Variants in RHOXF1 observed in about 807,000 individuals in gnomAD.
The protein encoded by RHOXF1 is PEPP subfamily gene 1.
In RHOXF1, 1 loss-of-function variant was observed where a neutral mutation model predicts 9.7. The observed-to-expected ratio is 0.10, with a 90% CI of 0.04 to 0.49. The LOEUF is 0.49. RHOXF1 is among the 20% of genes least tolerant of loss of function. The probability of loss-of-function intolerance (pLI) is 0.95; values close to 1 mark genes in which losing one functional copy is unlikely to be tolerated. For synonymous variants in RHOXF1, 72 were observed against 70.2 expected, an observed-to-expected ratio of 1.03 and a Z score of -0.13; for missense variants, 179 against 168.0, an observed-to-expected ratio of 1.07 and a Z score of -0.36.
intron 1 of RHOXF1, among the ~76,000 whole-genome samples, chrX:120,114,726 C>T (rs1556000302): frequency 8.9e-6 from 1 of 112,006 alleles, no homozygotes; most frequent in East Asian, 2.8e-4. Context: ...TAGGGAAAAG[C>T]AAATCGAAAC....
In RHOXF1 at chrX:120,109,221, C is replaced by G; in HGVS notation, c.526G>C (p.Asp176His). The change falls in exon 3 of 3, where the codon GAC (aspartate) becomes CAC (histidine). Residue 176 changes from aspartate (D) to histidine (H), a missense_variant. By Grantham distance (81) the Asp-to-His change is moderately conservative. Coordinates refer to ENST00000217999, the MANE Select transcript of RHOXF1 (RefSeq NM_139282.3). ...TCCACGACGATGTAGACACAGTCGT[C>G]TGGGTCAGCACGTAGTTCATTGGCG... is the stretch of plus-strand genomic sequence containing the variant. ...MLANELRADP[D>H]DCVYIVVD is the part of the protein sequence containing the mutation. The G allele has an allele frequency of 8.4e-7, 1 of 1,194,787 alleles. No homozygotes were observed. Among genetic ancestry groups the G allele is most frequent in the Non-Finnish European group, 1.1e-6 (1 of 882,307 alleles).
intron 1 of RHOXF1, among the ~76,000 whole-genome samples, chrX:120,114,647 A>G (rs2057285543): frequency 8.9e-6 from 1 of 112,179 alleles, no homozygotes; most frequent in Non-Finnish European, 1.9e-5. Context: ...ACTTAAAGAG[A>G]TATTTCTCCA....
rs782356480 is a variant in RHOXF1 at position 120,115,772 on chromosome X, A to C, written c.91T>G (p.Ser31Ala). ...ISPTPQLGAA[S>A]SAEGHVGQGA... ...TGGCCAACATGGCCTTCTGCGCTTG[A>C]TGCTGCCCCCAGCTGAGGTGTGGGG... Residue 31 changes from serine to alanine, a missense_variant, in exon 1 of 3, where the codon TCA (serine) becomes GCA (alanine). By Grantham distance (99) the Ser-to-Ala change is moderately conservative (BLOSUM62 1). Transcript: ENST00000217999. 2.5e-6 allele frequency: 3 copies of C among 1,205,316 alleles called. No individual in the cohort carries two copies. In the African/African-American group the frequency reaches 5.3e-5, roughly 21 times the overall value.
At chrX:120,109,570 T>A (rs782766007) in intron 2 of RHOXF1, among the ~76,000 whole-genome samples, 30 of 105,885 alleles carry the variant, frequency 2.8e-4, no homozygotes, top group African/African-American at 8.4e-4. Flanking sequence ...TTTATTTATT[T>A]ATTATTTATT....
chrX:120,117,593 A>G, upstream of RHOXF1: 1 of 111,298 alleles, frequency 9.0e-6, no homozygotes, highest in Non-Finnish European at 1.9e-5. Flanking sequence ...TCTCGTCTTC[A>G]TGGTGATTCT....
At chrX:120,112,445 T>C (rs2057270625) in intron 2 of RHOXF1, among the ~76,000 whole-genome samples, 1 of 71,537 alleles carries the variant, frequency 1.4e-5, no homozygotes, top group African/African-American at 5.4e-5. Context: ...ATATTATATA[T>C]AATACACATA....
intron 2 of RHOXF1, among the ~76,000 whole-genome samples, chrX:120,109,884 C>T (rs2057257985): frequency 9.0e-6 from 1 of 111,714 alleles, no homozygotes; most frequent in Admixed American, 9.5e-5. Flanking sequence ...TGTGCCCAGC[C>T]CCAATTTTAA....
At chrX:120,112,318 G>T (rs1377220405) in intron 2 of RHOXF1, among the ~76,000 whole-genome samples, 1 of 107,489 alleles carries the variant, frequency 9.3e-6, no homozygotes, top group African/African-American at 3.4e-5. Flanking sequence ...ACTCTACACA[G>T]AAATTGTTCC....
upstream of RHOXF1, chrX:120,115,948 T>G: frequency 1.1e-6 from 1 of 886,141 alleles, no homozygotes; most frequent in Non-Finnish European, 1.5e-6. Flanking sequence ...CCTGTTCTCA[T>G]GCTTGGTATT....
At chrX:120,120,162 TTTTA>T (rs1359440819), upstream of RHOXF1, among the ~76,000 whole-genome samples, 1 of 112,073 alleles carries the variant, frequency 8.9e-6, no homozygotes, top group Non-Finnish European at 1.9e-5. Context: ...GGCCTGCCTC[TTTTA>T]TTTGACAATA....
At chrX:120,113,875 T>G (rs184675347) in intron 1 of RHOXF1, among the ~76,000 whole-genome samples, 1,209 of 109,017 alleles carry the variant, frequency 0.011, 21 homozygotes, top group African/African-American at 0.035. Flanking sequence ...GCAAATTGCT[T>G]GAGCCCAGGA....
At chrX:120,119,193 CAATT>C (rs1556001004), upstream of RHOXF1, among the ~76,000 whole-genome samples, 1 of 112,138 alleles carries the variant, frequency 8.9e-6, no homozygotes, top group African/African-American at 3.2e-5. Flanking sequence ...TTAAGCACCT[CAATT>C]AATCCTCAAA....
Position 120,115,801 on chromosome X carries a change from A to G in RHOXF1, c.62T>C (p.Ile21Thr), listed in dbSNP as rs782043508. The change falls in exon 1 of 3, where the codon ATA (isoleucine) becomes ACA (threonine). Residue 21 changes from isoleucine (I) to threonine (T), a missense_variant. Ile to Thr is a moderately conservative substitution (Grantham distance 89). Coordinates refer to ENST00000217999, the MANE Select transcript of RHOXF1 (RefSeq NM_139282.3). ...FYCLSVYQVK[I>T]SPTPQLGAAS... Reference sequence around the variant, plus strand: ...TGCCCCCAGCTGAGGTGTGGGGCTTATTTTTACCTGGTATACACTCAGGCA... The same window carrying G: ...TGCCCCCAGCTGAGGTGTGGGGCTTGTTTTTACCTGGTATACACTCAGGCA... 3 of 1,202,917 alleles carry G rather than the reference A, an allele frequency of 2.5e-6. No homozygotes were observed. Among genetic ancestry groups the G allele is most frequent in the Non-Finnish European group, 3.4e-6 (3 of 893,825 alleles).
chrX:120,118,290 T>A (rs782385912), upstream of RHOXF1, among the ~76,000 whole-genome samples: 4 of 111,569 alleles, frequency 3.6e-5, no homozygotes, highest in East Asian at 1.1e-3. Flanking sequence ...GTTGAGGCAA[T>A]CTCAATTTGC....
intron 2 of RHOXF1, among the ~76,000 whole-genome samples, chrX:120,109,683 C>A (rs1555999535): frequency 1.8e-5 from 2 of 109,398 alleles, no homozygotes; most frequent in African/African-American, 6.7e-5. Flanking sequence ...AACTTCTGGG[C>A]TCAAGAGATC....
At chrX:120,115,934 A>G, upstream of RHOXF1, 1 of 991,877 alleles carries the variant, frequency 1.0e-6, no homozygotes. Flanking sequence ...GGGTGGAGCT[A>G]GTTCCTGTTC....
At chrX:120,120,173 A>G (rs781894869), upstream of RHOXF1, among the ~76,000 whole-genome samples, 112 of 111,906 alleles carry the variant, frequency 1.0e-3, no homozygotes, top group African/African-American at 3.4e-3. Flanking sequence ...TTTATTTGAC[A>G]ATAAAGTTTT....
upstream of RHOXF1, among the ~76,000 whole-genome samples, chrX:120,119,384 C>A (rs1055275684): frequency 9.0e-6 from 1 of 111,729 alleles, no homozygotes; most frequent in African/African-American, 3.3e-5. Flanking sequence ...TACATCAGGC[C>A]GTGATTTGTG....
chrX:120,110,319 A>C (rs782011868), intron 2 of RHOXF1, among the ~76,000 whole-genome samples: 85 of 111,861 alleles, frequency 7.6e-4, no homozygotes, highest in Non-Finnish European at 1.4e-3. Flanking sequence ...GACCCAAATT[A>C]ACTGAAACTC....
Sources: gnomAD v4.1 joint callset for allele counts (sites outside exome capture counted in the v4.1 genomes callset) on GRCh38, gnomAD v4.1.1 for gene constraint, MANE v1.5 for transcripts, NCBI Gene and HGNC (gene_info 2026-07-23, HGNC 2026-07-21) for gene names.